The following SNX29 variants were observed in gnomAD, a reference collection of about 807,000 sequenced individuals.
The protein encoded by SNX29 is sorting nexin 29.
SNX29 carries 78 observed loss-of-function variants against 102.1 expected under a neutral mutation model. The ratio of observed to expected loss-of-function variants is 0.76; its 90% CI spans 0.64 to 0.92. SNX29 has a LOEUF of 0.92. SNX29 is among the 40% of genes least tolerant of loss of function. SNX29 has a pLI of 0.00. For missense variants in SNX29, 1,280 were observed against 1,061.7 expected (o/e 1.21, Z -2.86); for synonymous variants, 580 against 414.5 (o/e 1.40, Z -4.85).
At chr16:12,178,516 AG>A (rs1567282318) in intron 13 of SNX29, among the ~76,000 whole-genome samples, 1 of 152,202 alleles carries the variant, frequency 6.6e-6, no homozygotes, top group Non-Finnish European at 1.5e-5. Context: ...CCAGGACACA[AG>A]GGGCCAGATG....
chr16:12,196,080 A>G (rs2076766251), intron 13 of SNX29, among the ~76,000 whole-genome samples: 1 of 147,064 alleles, frequency 6.8e-6, no homozygotes, highest in South Asian at 2.1e-4. Flanking sequence ...GGCTCAAACG[A>G]TCCTCCCACC....
At chr16:12,352,451 G>A (rs1401325078) in intron 15 of SNX29, among the ~76,000 whole-genome samples, 1 of 152,086 alleles carries the variant, frequency 6.6e-6, no homozygotes, top group Non-Finnish European at 1.5e-5. Flanking sequence ...CACCAACATG[G>A]CACATGTATA....
intron 20 of SNX29, among the ~76,000 whole-genome samples, chr16:12,561,865 T>G (rs191488964): frequency 1.9e-3 from 290 of 152,230 alleles, no homozygotes; most frequent in Admixed American, 6.1e-3. Context: ...CCTGGGGACT[T>G]ATGGGCTGTC....
At chr16:12,023,171 A>G (rs550412351) in intron 3 of SNX29, among the ~76,000 whole-genome samples, 2 of 152,252 alleles carry the variant, frequency 1.3e-5, no homozygotes, top group Admixed American at 6.5e-5. Flanking sequence ...TGCTGGTATT[A>G]TAGGTGTGAG....
At chr16:12,561,792 C>T (rs1055251773) in intron 20 of SNX29, among the ~76,000 whole-genome samples, 2 of 152,146 alleles carry the variant, frequency 1.3e-5, no homozygotes, top group African/African-American at 4.8e-5. Flanking sequence ...CCACGCGTGG[C>T]CTGGCAGGGG....
At chr16:12,526,370 C>T (rs8062242) in intron 20 of SNX29, among the ~76,000 whole-genome samples, 447 of 152,282 alleles carry the variant, frequency 2.9e-3, no homozygotes, top group African/African-American at 0.01. Flanking sequence ...GTCTTCCCTG[C>T]CTAGGCCCTT....
intron 16 of SNX29, among the ~76,000 whole-genome samples, chr16:12,356,498 A>C (rs1323982333): frequency 6.6e-6 from 1 of 152,146 alleles, no homozygotes; most frequent in African/African-American, 2.4e-5. Context: ...TTCTCCTTCT[A>C]GTCATCTATA....
chr16:12,280,574 A>C (rs957726154), intron 15 of SNX29, among the ~76,000 whole-genome samples: 1 of 152,110 alleles, frequency 6.6e-6, no homozygotes, highest in Admixed American at 6.5e-5. Context: ...GCTGTGGTCA[A>C]CGAGCTGAGA....
At chr16:12,319,315 A>G (rs1328252288) in intron 15 of SNX29, among the ~76,000 whole-genome samples, 1 of 152,144 alleles carries the variant, frequency 6.6e-6, no homozygotes, top group Non-Finnish European at 1.5e-5. Flanking sequence ...CAGCCCAAGC[A>G]ACATAGACCG....
intron 15 of SNX29, among the ~76,000 whole-genome samples, chr16:12,348,149 C>T (rs2081875596): frequency 6.6e-6 from 1 of 152,166 alleles, no homozygotes; most frequent in East Asian, 1.9e-4. Context: ...GGTCATCCAG[C>T]AGTGAGTAGA....
chr16:12,198,665 T>A (rs762800333), intron 13 of SNX29, among the ~76,000 whole-genome samples: 1 of 152,050 alleles, frequency 6.6e-6, no homozygotes, highest in Non-Finnish European at 1.5e-5. Context: ...TGGCGAAGAG[T>A]CCTTGTGGGC....
intron 20 of SNX29, among the ~76,000 whole-genome samples, chr16:12,540,699 CATATGAAGACGCTCCAG>C (rs988612231): frequency 6.6e-6 from 1 of 152,180 alleles, no homozygotes; most frequent in Admixed American, 6.5e-5. Flanking sequence ...TAGAAGCTCA[CATATGAAGACGCTCCAG>C]GGATGAAGAG....
rs542370984 is a variant in SNX29 at position 12,534,855 on chromosome 16, T to C, written c.2318+10014T>C. ...GAGTGAATGCAGACATTTTTGATTGTCCCAACCATGGGGGACAGTGCCACG... is the reference window on the plus strand; with the variant it reads ...GAGTGAATGCAGACATTTTTGATTGCCCCAACCATGGGGGACAGTGCCACG... On this transcript the variant is annotated intron_variant, in intron 20 of 20. Transcript: ENST00000566228. Among the ~76,000 whole-genome samples, 9 of 152,216 alleles carry C rather than the reference T, an allele frequency of 5.9e-5. No homozygotes were observed. In the East Asian group the frequency reaches 1.7e-3, roughly 29 times the overall value.
rs550625886 is a variant in SNX29, at chr16:12,554,980, A to G, written c.2319-13526A>G. Among the ~76,000 whole-genome samples, 3 of 151,398 alleles carry G rather than the reference A, an allele frequency of 2.0e-5. No individual in the cohort carries two copies. In the East Asian group the frequency reaches 5.8e-4, roughly 29 times the overall value. On this transcript the variant is annotated intron_variant, in intron 20 of 20. Transcript: ENST00000566228. ...ATGGAGGTGGTGAGGGGGGTCAGTC[A>G]GCCGGAGCACCTTTCTTTCTTGCAG...
intron 14 of SNX29, among the ~76,000 whole-genome samples, chr16:12,217,768 G>C (rs2077364241): frequency 6.6e-6 from 1 of 152,166 alleles, no homozygotes; most frequent in Admixed American, 6.5e-5. Context: ...CATTCAACTG[G>C]AATTCAGACC....
intron 16 of SNX29, chr16:12,375,360 A>G (rs1208905967): frequency 6.6e-6 from 1 of 152,226 alleles, no homozygotes; most frequent in Non-Finnish European, 1.5e-5. Context: ...AAATTGTCCC[A>G]ACACTGAGAG....
At chr16:12,068,276 A>C (rs2051128400) in intron 9 of SNX29, among the ~76,000 whole-genome samples, 1 of 151,996 alleles carries the variant, frequency 6.6e-6, no homozygotes, top group African/African-American at 2.4e-5. Flanking sequence ...CAGGAGTTTG[A>C]GACCAGCCTG....
At chr16:12,506,428 A>G (rs990796632) in intron 19 of SNX29, among the ~76,000 whole-genome samples, 2 of 152,172 alleles carry the variant, frequency 1.3e-5, no homozygotes, top group African/African-American at 2.4e-5. Flanking sequence ...GGATTATTCT[A>G]GTGCTCCTGA....
intron 18 of SNX29, among the ~76,000 whole-genome samples, chr16:12,453,189 C>G (rs967626037): frequency 6.6e-6 from 1 of 152,202 alleles, no homozygotes; most frequent in Non-Finnish European, 1.5e-5. Flanking sequence ...ATATATGGCT[C>G]TCATGCCACC....
Sources: allele counts gnomAD v4.1 joint callset (sites outside exome capture counted in the v4.1 genomes callset), GRCh38; gene constraint gnomAD v4.1.1; transcripts MANE v1.5; gene names NCBI Gene and HGNC (gene_info 2026-07-23, HGNC 2026-07-21).